Variants in CCDC178 observed in about 807,000 individuals in gnomAD.
The protein encoded by CCDC178 is coiled-coil domain containing 178.
In CCDC178, 126 loss-of-function variants were observed where a neutral mutation model predicts 117.4. That is an observed-to-expected ratio of 1.07 (90% CI 0.93 to 1.24). CCDC178 has a LOEUF of 1.24. CCDC178 is among the 50% of genes most tolerant of loss of function. The pLI is 0.00. For synonymous variants in CCDC178, 283 were observed against 313.4 expected (o/e 0.90, Z 1.02); for missense variants, 1,030 against 986.9 (o/e 1.04, Z -0.59).
chr18:33,155,462 C>G (rs2058383373), intron 20 of CCDC178, among the ~76,000 whole-genome samples: 1 of 151,874 alleles, frequency 6.6e-6, no homozygotes, highest in African/African-American at 2.4e-5. Flanking sequence ...GACAAAGAAA[C>G]TTAACTGAAA....
At chr18:33,001,643 A>G (rs902606307) in intron 21 of CCDC178, among the ~76,000 whole-genome samples, 1 of 152,178 alleles carries the variant, frequency 6.6e-6, no homozygotes, top group Admixed American at 6.5e-5. Context: ...CAACTAGAGA[A>G]CAAATAAGAA....
chr18:33,284,806 T>C (rs1306799325), intron 12 of CCDC178, among the ~76,000 whole-genome samples: 1 of 152,116 alleles, frequency 6.6e-6, no homozygotes, highest in Non-Finnish European at 1.5e-5. Flanking sequence ...GGAATAATCT[T>C]ATGTGAGAAC....
At chr18:33,374,057 GAC>G (rs1411662453) in intron 5 of CCDC178, among the ~76,000 whole-genome samples, 1 of 152,180 alleles carries the variant, frequency 6.6e-6, no homozygotes, top group African/African-American at 2.4e-5. Flanking sequence ...TCTGCCAAGG[GAC>G]AGTTTCCCAA....
Position 33,370,146 on chromosome 18 carries a change from G to A in CCDC178, c.252C>T (p.His84=), listed in dbSNP as rs2063277006. The change falls in exon 6 of 23, where the codon CAC becomes CAT. Residue 84 remains histidine, a synonymous_variant. Coordinates refer to ENST00000383096, the MANE Select transcript of CCDC178 (RefSeq NM_001105528.4). ...GIYFSYPCRR[H]SCAVVNIPAP... ...CTGGAATATTTACTACGGCACAGCT[G>A]TGACGTCGACATGGGTAGCTAAAGT... The A allele has an allele frequency of 6.2e-7, 1 of 1,605,446 alleles. No homozygotes were observed. The highest frequency in any genetic ancestry group is 2.3e-5 in the East Asian group (1 of 44,408).
Position 33,388,519 on chromosome 18 carries a change from A to ATTTTTTTTTTTTTTT in CCDC178, c.208+1006_208+1020dup, listed in dbSNP as rs71159828. Among the ~76,000 whole-genome samples, 402 of 65,250 alleles carry ATTTTTTTTTTTTTTT rather than the reference A, an allele frequency of 6.2e-3. 101 individuals carry two copies. Among genetic ancestry groups the ATTTTTTTTTTTTTTT allele is most frequent in the African/African-American group, 0.018 (282 of 15,854 alleles). The allele number at this position is 65,250 out of a possible 152,430, so 42.8% of individuals were successfully genotyped here. ...AAATGTGGTACATATACACCACGGA[A>ATTTTTTTTTTTTTTT]TTTTTTTTTTTTTTTTTTGAGACGG... On this transcript the variant is annotated intron_variant, in intron 5 of 22. Transcript: ENST00000383096.
intron 2 of CCDC178, among the ~76,000 whole-genome samples, chr18:33,434,108 C>T (rs2064257173): frequency 6.6e-6 from 1 of 151,988 alleles, no homozygotes; most frequent in Non-Finnish European, 1.5e-5. Context: ...ATTAAGCTTT[C>T]CACTAATTTC....
intron 20 of CCDC178, among the ~76,000 whole-genome samples, chr18:33,189,737 A>G (rs1219155012): frequency 6.6e-6 from 1 of 152,200 alleles, no homozygotes; most frequent in African/African-American, 2.4e-5. Flanking sequence ...GTCAAGCTCA[A>G]AAGGGTAGAC....
intron 3 of CCDC178, among the ~76,000 whole-genome samples, chr18:33,404,910 C>T (rs2063759920): frequency 6.6e-6 from 1 of 151,834 alleles, no homozygotes; most frequent in South Asian, 2.1e-4. Flanking sequence ...CTAGAGTAAA[C>T]AAATCCATAG....
At chr18:33,402,769 C>T (rs150075320) in intron 3 of CCDC178, among the ~76,000 whole-genome samples, 5 of 152,252 alleles carry the variant, frequency 3.3e-5, no homozygotes, top group East Asian at 1.9e-4. Context: ...CTCATTATGT[C>T]GCCCAGGCTA....
intron 22 of CCDC178, among the ~76,000 whole-genome samples, chr18:32,972,144 G>A (rs956875014): frequency 7.9e-5 from 12 of 152,006 alleles, no homozygotes; most frequent in Admixed American, 2.6e-4. Context: ...GGGGTTTTAC[G>A]GCTTTGGGTT....
At chr18:33,336,496 T>C (rs866003326) in intron 9 of CCDC178, among the ~76,000 whole-genome samples, 2 of 152,140 alleles carry the variant, frequency 1.3e-5, no homozygotes, top group African/African-American at 2.4e-5. Context: ...TTTAAATGAT[T>C]TGAAGAACTA....
At chr18:33,253,537 ATAAATGG>A (rs756203674) in intron 14 of CCDC178, among the ~76,000 whole-genome samples, 12 of 151,928 alleles carry the variant, frequency 7.9e-5, no homozygotes, top group Non-Finnish European at 1.8e-4. Flanking sequence ...GGTGATTCAG[ATAAATGG>A]TAGAGTTAAA....
intron 2 of CCDC178, among the ~76,000 whole-genome samples, chr18:33,421,441 T>G (rs1388595641): frequency 1.3e-5 from 2 of 152,224 alleles, no homozygotes; most frequent in Non-Finnish European, 2.9e-5. Flanking sequence ...GGAAGCTGAT[T>G]GTTAAAATTT....
At position 33,394,934 on chromosome 18, in the gene CCDC178, T is replaced by C. The variant is rs1441204063; in HGVS notation, c.118+2215A>G. The stretch of plus-strand genomic sequence containing the variant: ...CTGAAAATAACTTTAAAAGCCTGTA[T>C]ATGTATGTGTATATATATATATATA... On this transcript the variant is annotated intron_variant, in intron 4 of 22. Transcript: ENST00000383096. Among the ~76,000 whole-genome samples the C allele has an allele frequency of 8.9e-5, 10 of 112,914 alleles. No individual in the cohort carries two copies. The Admixed American group carries it at 9.4e-4, about 11-fold the overall frequency. The allele number at this position is 112,914 out of a possible 152,430, so 74.1% of individuals were successfully genotyped here.
chr18:33,326,325 A>T (rs1347248071), intron 10 of CCDC178, among the ~76,000 whole-genome samples: 1 of 152,116 alleles, frequency 6.6e-6, no homozygotes, highest in African/African-American at 2.4e-5. Context: ...ATGGGTACAT[A>T]GTGGTGTGGA....
intron 21 of CCDC178, among the ~76,000 whole-genome samples, chr18:33,011,732 GCTTAA>G (rs1002079963): frequency 4.6e-4 from 57 of 123,460 alleles, no homozygotes; most frequent in African/African-American, 1.6e-3. Context: ...TGGCAAACAG[GCTTAA>G]CTTAACGTGG....
intron 20 of CCDC178, among the ~76,000 whole-genome samples, chr18:33,179,669 G>A (rs910377586): frequency 6.6e-6 from 1 of 151,976 alleles, no homozygotes; most frequent in Non-Finnish European, 1.5e-5. Context: ...ATAGAGCAAT[G>A]TTTACCAATC....
chr18:33,223,347 C>A, intron 17 of CCDC178, 128 bp from the exon 18 acceptor site: 3 of 1,081,128 alleles, frequency 2.8e-6, no homozygotes, highest in Non-Finnish European at 1.2e-6. Flanking sequence ...GGGAAAGAAC[C>A]ATCACACATA....
At chr18:33,344,234 G>A (rs1189606938) in intron 9 of CCDC178, among the ~76,000 whole-genome samples, 1 of 146,256 alleles carries the variant, frequency 6.8e-6, no homozygotes, top group African/African-American at 2.5e-5. Flanking sequence ...AACCCGGGAA[G>A]CGGAGCTTGC....
Sources: gnomAD v4.1 joint callset for allele counts (sites outside exome capture counted in the v4.1 genomes callset) on GRCh38, gnomAD v4.1.1 for gene constraint, MANE v1.5 for transcripts, NCBI Gene and HGNC (gene_info 2026-07-23, HGNC 2026-07-21) for gene names.